OPHN1: variants seen among roughly 807,000 people sequenced by gnomAD.
The protein encoded by OPHN1 is oligophrenin 1, also known as oligophrenin-1.
A neutral mutation model predicts 60.7 loss-of-function variants in OPHN1; 11 were observed. The ratio of observed to expected loss-of-function variants is 0.18; its 90% CI spans 0.11 to 0.30. The LOEUF (loss-of-function observed/expected upper bound fraction) is 0.30. Among genes scored for constraint, OPHN1 ranks in the 10% least tolerant of loss-of-function variants. The pLI is 1.00. For missense variants in OPHN1, 449 were observed against 611.0 expected (o/e 0.73, Z 2.80); for synonymous variants, 226 against 222.6 (o/e 1.02, Z -0.14).
intron 16 of OPHN1, among the ~76,000 whole-genome samples, chrX:68,115,388 T>C (rs2077122752): frequency 8.9e-6 from 1 of 112,241 alleles, no homozygotes; most frequent in Admixed American, 9.5e-5. Flanking sequence ...AGTTTTCAGT[T>C]GTTCTACTAT....
intron 2 of OPHN1, among the ~76,000 whole-genome samples, chrX:68,412,450 A>G (rs1428565794): frequency 1.8e-5 from 2 of 111,622 alleles, no homozygotes; most frequent in Non-Finnish European, 3.8e-5. Context: ...TCATAAAGAC[A>G]GAAAGTAGAA....
chrX:68,376,778 A>G (rs1405302324), intron 2 of OPHN1, among the ~76,000 whole-genome samples: 1 of 111,711 alleles, frequency 9.0e-6, no homozygotes, highest in Non-Finnish European at 1.9e-5. Flanking sequence ...CTTTGTTGAC[A>G]TGAAAAATTC....
rs397951860 is a variant in OPHN1, at chrX:68,182,188, G to GTTTTT, written c.1276+10726_1276+10730dup. ...TTGGGACTGACATAGAAGCTCTGTAGTTTTTTTTTTTTTTTTTTTTTTTCC... is the reference window on the plus strand; with the variant it reads ...TTGGGACTGACATAGAAGCTCTGTAGTTTTTTTTTTTTTTTTTTTTTTTTTTTTCC... On this transcript the variant is annotated intron_variant, in intron 15 of 24. Coordinates refer to ENST00000355520, the MANE Select transcript of OPHN1 (RefSeq NM_002547.3). 3.0e-3 allele frequency among the ~76,000 whole-genome samples: 140 copies of GTTTTT among 46,121 alleles called. 8 individuals carry two copies. Among genetic ancestry groups the GTTTTT allele is most frequent in the Middle Eastern group, 0.029 (1 of 34 alleles). 40.1% of individuals were successfully genotyped at this position (46,121 alleles called of 115,157 possible).
At chrX:68,351,901 G>T (rs1159131166) in intron 2 of OPHN1, among the ~76,000 whole-genome samples, 1 of 89,708 alleles carries the variant, frequency 1.1e-5, no homozygotes, top group Non-Finnish European at 2.2e-5. Context: ...TTTTGAGACG[G>T]AGTCTTGCTC....
intron 15 of OPHN1, among the ~76,000 whole-genome samples, chrX:68,175,578 C>G (rs1349759832): frequency 9.0e-6 from 1 of 111,567 alleles, no homozygotes; most frequent in African/African-American, 3.3e-5. Flanking sequence ...AGAAATACCA[C>G]ACCTCCCCGA....
intron 20 of OPHN1, among the ~76,000 whole-genome samples, chrX:68,065,787 T>C (rs2076911256): frequency 1.8e-5 from 2 of 112,131 alleles, no homozygotes; most frequent in Admixed American, 9.4e-5. Flanking sequence ...TAATTGGTGG[T>C]TATTATTTAC....
At chrX:68,058,994 G>A (rs2076883478) in intron 21 of OPHN1, among the ~76,000 whole-genome samples, 1 of 111,506 alleles carries the variant, frequency 9.0e-6, no homozygotes, top group Admixed American at 9.5e-5. Flanking sequence ...AGAAAACTAA[G>A]GTTCAGAGAG....
At position 68,097,389 on chromosome X, in the gene OPHN1, T is replaced by C. The variant is rs779800430; in HGVS notation, c.1527-360A>G. Among the ~76,000 whole-genome samples the C allele has an allele frequency of 3.6e-5, 4 of 110,995 alleles. No individual in the cohort carries two copies. In the South Asian group the frequency reaches 1.5e-3, roughly 43 times the overall value. ...ACAGCCCATATAAGTATAAAGCATG[T>C]ACAAAGAACCACAAAGCACATTGAG... is the stretch of plus-strand genomic sequence containing the variant. On this transcript the variant is annotated intron_variant, in intron 18 of 24. Coordinates refer to ENST00000355520, the MANE Select transcript of OPHN1 (RefSeq NM_002547.3).
chrX:68,212,604 A>AAAC (rs1333338603), intron 7 of OPHN1, among the ~76,000 whole-genome samples: 2 of 111,572 alleles, frequency 1.8e-5, no homozygotes, highest in Non-Finnish European at 3.8e-5. Context: ...ACAAACAAAC[A>AAAC]AACAACAACA....
chrX:68,130,172 G>C (rs1282766213), intron 15 of OPHN1, among the ~76,000 whole-genome samples: 1 of 111,592 alleles, frequency 9.0e-6, no homozygotes, highest in East Asian at 2.8e-4. Flanking sequence ...TTGGCACAAA[G>C]TTCTATCACT....
chrX:68,210,900 C>T (rs1432804278), intron 8 of OPHN1, among the ~76,000 whole-genome samples: 1 of 110,798 alleles, frequency 9.0e-6, no homozygotes, highest in Non-Finnish European at 1.9e-5. Context: ...TTTTTAGTAC[C>T]CAGTCTTAAA....
intron 2 of OPHN1, among the ~76,000 whole-genome samples, chrX:68,342,415 G>A (rs2078357605): frequency 8.9e-6 from 1 of 111,889 alleles, no homozygotes. Flanking sequence ...GGGAAAATAG[G>A]TAGGTATACA....
chrX:68,234,186 T>C (rs1341939513), intron 6 of OPHN1, among the ~76,000 whole-genome samples: 2 of 110,141 alleles, frequency 1.8e-5, no homozygotes, highest in African/African-American at 6.6e-5. Flanking sequence ...CTAGTTTAAC[T>C]TTATCCTCGC....
intron 19 of OPHN1, among the ~76,000 whole-genome samples, chrX:68,078,422 A>C (rs1035950971): frequency 6.4e-4 from 72 of 112,103 alleles, no homozygotes; most frequent in African/African-American, 2.2e-3. Flanking sequence ...TAAACTTCTA[A>C]AAAAACGTTT....
rs765958349 is a variant in OPHN1 at position 68,131,707 on chromosome X, G to C, written c.1277-12375C>G. 7.6e-4 allele frequency among the ~76,000 whole-genome samples: 85 copies of C among 111,677 alleles called. 1 individual carries two copies. The highest frequency in any genetic ancestry group is 2.7e-3 in the African/African-American group (82 of 30,743). On this transcript the variant is annotated intron_variant, in intron 15 of 24. Transcript: ENST00000355520. ...AACAAATCAAGTGGATAAACAGTAA[G>C]TAAAGATGTAGAAGACTTAAATAAC... is the stretch of plus-strand genomic sequence containing the variant.
chrX:68,113,364 T>C, intron 16 of OPHN1, 125 bp from the exon 17 acceptor site: 1 of 538,353 alleles, frequency 1.9e-6, no homozygotes, highest in South Asian at 2.7e-5. Context: ...TATACATTTT[T>C]CTCTTCACCT....
intron 5 of OPHN1, among the ~76,000 whole-genome samples, chrX:68,267,628 C>G (rs1185153923): frequency 8.9e-6 from 1 of 111,788 alleles, no homozygotes; most frequent in Non-Finnish European, 1.9e-5. Context: ...ACTAGAGAAG[C>G]AAGAGCAAAC....
intron 18 of OPHN1, among the ~76,000 whole-genome samples, chrX:68,099,541 G>A (rs2077049922): frequency 9.0e-6 from 1 of 111,708 alleles, no homozygotes; most frequent in Non-Finnish European, 1.9e-5. Context: ...ACCATCAACA[G>A]AATAACTTCT....
intron 2 of OPHN1, among the ~76,000 whole-genome samples, chrX:68,363,633 A>T (rs2078484801): frequency 9.0e-6 from 1 of 111,719 alleles, no homozygotes; most frequent in African/African-American, 3.3e-5. Flanking sequence ...TAAAAAAGAC[A>T]GTTTGAAACA....
Sources: allele counts gnomAD v4.1 joint callset (sites outside exome capture counted in the v4.1 genomes callset), GRCh38; gene constraint gnomAD v4.1.1; transcripts MANE v1.5; gene names NCBI Gene and HGNC (gene_info 2026-07-23, HGNC 2026-07-21).